LAMA2: variants seen among roughly 807,000 people sequenced by gnomAD.
LAMA2 encodes the protein laminin subunit alpha-2.
Under a neutral mutation model 364.8 loss-of-function variants are expected in LAMA2, and 269 were observed. The ratio of observed to expected loss-of-function variants is 0.74; its 90% confidence interval spans 0.67 to 0.82. The LOEUF (loss-of-function observed/expected upper bound fraction) is 0.82. LAMA2 is among the 40% of genes least tolerant of loss of function. The probability of loss-of-function intolerance (pLI) is 0.00; values close to 1 mark genes in which losing one functional copy is unlikely to be tolerated. For synonymous variants in LAMA2, 1,379 were observed against 1,370.6 expected, an observed-to-expected ratio of 1.01 and a Z score of -0.14; for missense variants, 3,807 against 3,873.2, an observed-to-expected ratio of 0.98 and a Z score of 0.45.
intron 61 of LAMA2, 135 bp downstream of exon 61, chr6:129,505,490 G>T (rs1785984840): frequency 1.4e-6 from 1 of 721,578 alleles, no homozygotes; most frequent in African/African-American, 1.8e-5. Context: ...ATAAGGGACA[G>T]AAGGGTTTGT....
At chr6:129,443,219 C>A (rs567752967) in intron 44 of LAMA2, 151 bp downstream of exon 44, 4 of 543,678 alleles carry the variant, frequency 7.4e-6, no homozygotes, top group Admixed American at 3.5e-5. Context: ...ATGGTAGATG[C>A]GTAAAAGGAA....
chr6:129,417,281 G>A (rs540497358), intron 40 of LAMA2, among the ~76,000 whole-genome samples: 1 of 152,232 alleles, frequency 6.6e-6, no homozygotes, highest in Admixed American at 6.5e-5. Flanking sequence ...CTCTCAGGAG[G>A]CCTGAAATGG....
chr6:129,205,491 T>C (rs867456782), intron 12 of LAMA2, among the ~76,000 whole-genome samples: 147 of 123,082 alleles, frequency 1.2e-3, no homozygotes, highest in Middle Eastern at 8.2e-3. Context: ...TATATATATA[T>C]ATACACACAC....
At chr6:129,268,911 A>G (rs770339380) in intron 16 of LAMA2, among the ~76,000 whole-genome samples, 4 of 152,038 alleles carry the variant, frequency 2.6e-5, no homozygotes, top group Non-Finnish European at 5.9e-5. Context: ...TTTTGAGTAT[A>G]TGGGTTCTGA....
intron 22 of LAMA2, among the ~76,000 whole-genome samples, chr6:129,305,652 T>C (rs921518572): frequency 6.6e-6 from 1 of 152,040 alleles, no homozygotes; most frequent in Admixed American, 6.6e-5. Context: ...AGAGAGAGTG[T>C]GTGTGTGTGT....
intron 61 of LAMA2, among the ~76,000 whole-genome samples, 172 bp downstream of exon 61, chr6:129,505,527 G>C (rs1317883021): frequency 1.3e-5 from 2 of 151,968 alleles, no homozygotes; most frequent in African/African-American, 4.8e-5. Context: ...TGTTTGTTTT[G>C]AGACAGAGTC....
intron 8 of LAMA2, among the ~76,000 whole-genome samples, chr6:129,159,494 A>G (rs1015918420): frequency 6.6e-6 from 1 of 152,158 alleles, no homozygotes; most frequent in Non-Finnish European, 1.5e-5. Flanking sequence ...GGCTTTCCTC[A>G]TCGATTCGGG....
intron 12 of LAMA2, among the ~76,000 whole-genome samples, chr6:129,208,721 G>GGAA (rs1191544341): frequency 2.2e-5 from 3 of 137,984 alleles, no homozygotes; most frequent in Non-Finnish European, 4.9e-5. Context: ...AAGGGAGGGA[G>GGAA]GGAGGGAAGG....
chr6:129,263,526 G>T (rs1246250786), intron 15 of LAMA2, among the ~76,000 whole-genome samples: 2 of 152,132 alleles, frequency 1.3e-5, no homozygotes, highest in Non-Finnish European at 2.9e-5. Context: ...AGCATAGATC[G>T]TGGAGTCTGT....
chr6:129,016,794 T>C (rs956933093), intron 1 of LAMA2, among the ~76,000 whole-genome samples: 2 of 151,794 alleles, frequency 1.3e-5, no homozygotes, highest in African/African-American at 2.4e-5. Flanking sequence ...AATATGATCA[T>C]ACATTGAGGT....
intron 1 of LAMA2, among the ~76,000 whole-genome samples, chr6:129,047,686 T>C (rs1464126066): frequency 6.6e-6 from 1 of 152,184 alleles, no homozygotes; most frequent in African/African-American, 2.4e-5. Flanking sequence ...ACCTGTGGAA[T>C]TTTTTGGAGT....
chr6:129,500,579 T>A (rs1250056487), intron 58 of LAMA2, among the ~76,000 whole-genome samples: 1 of 152,248 alleles, frequency 6.6e-6, no homozygotes, highest in Non-Finnish European at 1.5e-5. Context: ...CCTGTAATGA[T>A]TCTTAAAAGA....
chr6:129,161,305 G>C (rs1213246127), intron 8 of LAMA2, among the ~76,000 whole-genome samples: 1 of 151,982 alleles, frequency 6.6e-6, no homozygotes, highest in African/African-American at 2.4e-5. Context: ...CTTATAAAGA[G>C]TAAAATAGAT....
chr6:129,328,151 G>GT (rs1233566301), intron 28 of LAMA2, 127 bp from the exon 29 acceptor site: 3 of 819,362 alleles, frequency 3.7e-6, no homozygotes, highest in Non-Finnish European at 6.4e-6. Flanking sequence ...ACTTGCGTTT[G>GT]TAAGTGATGT....
intron 29 of LAMA2, among the ~76,000 whole-genome samples, chr6:129,334,489 T>A (rs1237403360): frequency 6.6e-6 from 1 of 152,200 alleles, no homozygotes; most frequent in African/African-American, 2.4e-5. Context: ...ATCATAAAGA[T>A]GATAATTACC....
chr6:129,440,878 G>A lies in LAMA2; in HGVS notation c.6148G>A (p.Asp2050Asn), dbSNP rs779984116. ...CAGACAAGCCAACGACACAGCTAAA[G>A]ATGTACTGGCACAGATTACAGAGCT... is the stretch of plus-strand genomic sequence containing the variant. ...KARQANDTAK[D>N]VLAQITELHQ... Residue 2050 changes from aspartate (D) to asparagine (N), a missense_variant, in exon 43 of 65, where the codon GAT (aspartate) becomes AAT (asparagine). Asp to Asn is a conservative substitution (Grantham distance 23). This residue lies in a region of LAMA2 where 3,333 missense variants were observed against 3,345.7 expected (regional missense o/e 1.00). Coordinates refer to ENST00000421865, the MANE Select transcript of LAMA2 (RefSeq NM_000426.4). 6.2e-7 allele frequency: 1 copy of A among 1,614,002 alleles called. No homozygotes were observed. The highest frequency in any genetic ancestry group is 2.2e-5 in the East Asian group (1 of 44,870).
At chr6:129,465,759 G>A (rs148457930) in intron 51 of LAMA2, among the ~76,000 whole-genome samples, 3,119 of 151,916 alleles carry the variant, frequency 0.021, 38 homozygotes, top group Non-Finnish European at 0.034. Context: ...TTATGATTCG[G>A]GGACATTTTA....
intron 27 of LAMA2, among the ~76,000 whole-genome samples, chr6:129,318,246 T>G (rs1774737824): frequency 6.6e-6 from 1 of 152,308 alleles, no homozygotes; most frequent in South Asian, 2.1e-4. Context: ...GGTTTGAACT[T>G]TGTACATTGT....
chr6:129,462,588 T>A lies in LAMA2; in HGVS notation c.6993-1702T>A, dbSNP rs73777423. The stretch of plus-strand genomic sequence containing the variant: ...CTATATTTTTTAATGTTTTAGTGTA[T>A]CTTTTTGAGCTGTGCTAATACTTTG... On this transcript the variant is annotated intron_variant, in intron 49 of 64. Transcript: ENST00000421865. 2.9e-3 allele frequency among the ~76,000 whole-genome samples: 444 copies of A among 152,128 alleles called. 3 individuals are homozygous for A. The highest frequency in any genetic ancestry group is 1.0e-2 in the African/African-American group (414 of 41,536).
Sources: allele counts gnomAD v4.1 joint callset (sites outside exome capture counted in the v4.1 genomes callset), GRCh38; gene constraint gnomAD v4.1.1; regional missense constraint gnomAD v4.1.1; transcripts MANE v1.5; gene names NCBI Gene and HGNC (gene_info 2026-07-23, HGNC 2026-07-21).